The following ZNF548 variants were observed in gnomAD, a reference collection of about 807,000 sequenced individuals.
ZNF548 encodes the protein zinc finger protein 548.
A neutral mutation model predicts 10.2 loss-of-function variants in ZNF548; 10 were observed. That is an observed-to-expected ratio of 0.98 (90% CI 0.60 to 1.66). The LOEUF is 1.66. Ranked by LOEUF, ZNF548 falls within the 40% of genes most tolerant of loss-of-function variation. The probability of loss-of-function intolerance (pLI) is 0.00; values close to 1 mark genes in which losing one functional copy is unlikely to be tolerated. For missense variants in ZNF548, 599 were observed against 657.0 expected, an observed-to-expected ratio of 0.91 and a Z score of 0.97; for synonymous variants, 217 against 223.5, an observed-to-expected ratio of 0.97 and a Z score of 0.26.
At chr19:57,391,265 A>G (rs1285219237) in intron 1 of ZNF548, among the ~76,000 whole-genome samples, 1 of 147,676 alleles carries the variant, frequency 6.8e-6, no homozygotes, top group East Asian at 2.0e-4. Context: ...CTCCAGTTCC[A>G]TCCACATTGC....
rs538519764 is a variant in ZNF548, at chr19:57,390,284, G to A, written c.15+170G>A. ...CTCAGAGCTCCCGTTAGGGACCTCA[G>A]GTTCAGAGCATGGAGGCGCTGCCGA... is the stretch of plus-strand genomic sequence containing the variant. On this transcript the variant is annotated intron_variant, in intron 1 of 3. Transcript: ENST00000336128. 408 of 655,176 alleles carry A rather than the reference G, an allele frequency of 6.2e-4. 1 individual carries two copies. In the African/African-American group the frequency reaches 6.7e-3, roughly 11 times the overall value. The allele number at this position is 655,176 out of a possible 1,614,324, so 40.6% of individuals were successfully genotyped here. A position where few individuals can be genotyped will look rare whatever the true frequency, so the allele number is the denominator to read the frequency against.
rs373473788 is a variant in ZNF548 at position 57,397,284 on chromosome 19, C to T, written c.178+110C>T. On this transcript the variant is annotated intron_variant, in intron 3 of 3. Coordinates refer to ENST00000336128, the MANE Select transcript of ZNF548 (RefSeq NM_001172773.2). ...GAGACCGTGGGTGCTGCTTCTTTTC[C>T]CTGTTTCTTGGCATATATGCTGTGG... 14 of 1,418,066 alleles carry T rather than the reference C, an allele frequency of 9.9e-6. No homozygotes were observed. In the African/African-American group the frequency reaches 1.9e-4, roughly 19 times the overall value. The allele number at this position is 1,418,066 out of a possible 1,614,324, so 87.8% of individuals were successfully genotyped here. A position where few individuals can be genotyped will look rare whatever the true frequency, so the allele number is the denominator to read the frequency against.
chr19:57,391,310 T>TG (rs1358210214), intron 1 of ZNF548, among the ~76,000 whole-genome samples: 1 of 152,054 alleles, frequency 6.6e-6, no homozygotes, highest in Non-Finnish European at 1.5e-5. Flanking sequence ...TTTTTTTTTT[T>TG]TGTGGCCTAG....
At chr19:57,393,290 T>A (rs1438074667) in intron 1 of ZNF548, among the ~76,000 whole-genome samples, 1 of 152,140 alleles carries the variant, frequency 6.6e-6, no homozygotes, top group East Asian at 1.9e-4. Context: ...ACTTATTGAT[T>A]TAAACCCCAA....
rs1423207091 is a variant in ZNF548 at position 57,399,649 on chromosome 19, T to C, written c.1398T>C (p.Cys466=). The C allele has an allele frequency of 1.2e-6, 2 of 1,614,028 alleles. No homozygotes were observed. ...TGERPYECRE[C]GKAFSHKHIL... ...AAAGGCCTTACGAGTGCAGAGAGTGTGGGAAAGCCTTTAGCCACAAGCATA... is the reference window on the plus strand; with the variant it reads ...AAAGGCCTTACGAGTGCAGAGAGTGCGGGAAAGCCTTTAGCCACAAGCATA... The change falls in exon 4 of 4, where the codon TGT becomes TGC. Residue 466 remains cysteine (C), a synonymous_variant. Coordinates refer to ENST00000336128, the MANE Select transcript of ZNF548 (RefSeq NM_001172773.2). This position sits in a 1 kb window ranked among gnomAD's most constrained non-coding sequence, Gnocchi z 4.0.
In ZNF548 at chr19:57,399,641, A is replaced by G. The variant is rs1187075303; in HGVS notation, c.1390A>G (p.Arg464Gly). ...CACTGGAGAAAGGCCTTACGAGTGC[A>G]GAGAGTGTGGGAAAGCCTTTAGCCA... ...NHTGERPYEC[R>G]ECGKAFSHKH... Residue 464 changes from arginine (R) to glycine (G), a missense_variant, in exon 4 of 4, where the codon AGA becomes GGA. Transcript: ENST00000336128. This position sits in a 1 kb window ranked among gnomAD's most constrained non-coding sequence, Gnocchi z 4.0. 6.2e-7 allele frequency: 1 copy of G among 1,614,166 alleles called. No homozygotes were observed. The highest frequency in any genetic ancestry group is 1.1e-5 in the South Asian group (1 of 91,080).
In ZNF548 at chr19:57,394,164, C is replaced by G. The variant is rs768779545; in HGVS notation, c.16-24C>G. The G allele has an allele frequency of 6.3e-6, 10 of 1,599,356 alleles. No homozygotes were observed. The Admixed American group carries it at 1.5e-4, about 24-fold the overall frequency. On this transcript the variant is annotated intron_variant, in intron 1 of 3. Coordinates refer to ENST00000336128, the MANE Select transcript of ZNF548 (RefSeq NM_001172773.2). ...AGGATCCTTCCATGGCTGTCAATTT[C>G]TCACGGCCTTTCTCTTCCCTCAGGG...
In ZNF548 at chr19:57,395,975, G is replaced by A. The variant is rs1353761065; in HGVS notation, c.52-1073G>A. The stretch of plus-strand genomic sequence containing the variant: ...GGGCTTAGGGCTGCCCCCGGTGCTA[G>A]GGGACTTTGGTGTTCTGGGGCAGGA... On this transcript the variant is annotated intron_variant, in intron 2 of 3. Coordinates refer to ENST00000336128, the MANE Select transcript of ZNF548 (RefSeq NM_001172773.2). This position sits in a 1 kb window ranked among gnomAD's most constrained non-coding sequence, Gnocchi z 4.8. Among the ~76,000 whole-genome samples the A allele has an allele frequency of 2.0e-5, 3 of 152,158 alleles. No individual in the cohort carries two copies. Among genetic ancestry groups the A allele is most frequent in the Non-Finnish European group, 4.4e-5 (3 of 68,018 alleles).
Position 57,400,940 on chromosome 19 carries a change from C to G in ZNF548, c.*1051C>G, listed in dbSNP as rs1351063555. On this transcript the variant is annotated 3_prime_UTR_variant, in exon 4 of 4. Coordinates refer to ENST00000336128, the MANE Select transcript of ZNF548 (RefSeq NM_001172773.2). ...GGATGTGAGGTGGAATCTATAGTGT[C>G]TTTCATTTTTATTTTGTGAATGATT... 1.3e-5 allele frequency: 2 copies of G among 152,160 alleles called. No individual in the cohort carries two copies. Among genetic ancestry groups the G allele is most frequent in the Middle Eastern group, 3.4e-3 (1 of 294 alleles). The allele number at this position is 152,160 out of a possible 1,614,324, so 9.4% of individuals were successfully genotyped here.
chr19:57,391,608 A>C (rs537823318), intron 1 of ZNF548, among the ~76,000 whole-genome samples: 23 of 151,944 alleles, frequency 1.5e-4, no homozygotes, highest in Non-Finnish European at 2.4e-4. Context: ...TCTCTTCTCC[A>C]TATCCTGGGC....
At chr19:57,391,888 G>A (rs1396533361) in intron 1 of ZNF548, among the ~76,000 whole-genome samples, 1 of 136,212 alleles carries the variant, frequency 7.3e-6, no homozygotes, top group East Asian at 2.2e-4. Context: ...CCACCTCCCA[G>A]GTTAGTTCAA....
chr19:57,391,722 A>AT (rs1211684430), intron 1 of ZNF548, among the ~76,000 whole-genome samples: 4 of 147,392 alleles, frequency 2.7e-5, no homozygotes, highest in Non-Finnish European at 6.0e-5. Context: ...GATGTTGAGC[A>AT]TTTTTTTATA....
chr19:57,390,388 G>GCAAC (rs941398275), intron 1 of ZNF548: 15 of 390,958 alleles, frequency 3.8e-5, no homozygotes, highest in African/African-American at 3.0e-4. Flanking sequence ...GCTTGGAATG[G>GCAAC]CAACCTGAGC....
rs1487933284 is a variant in ZNF548 at position 57,399,553 on chromosome 19, G to A, written c.1302G>A (p.Glu434=). The stretch of plus-strand genomic sequence containing the variant: ...TCCACACGGGAGAAAGGCCTTATGA[G>A]TGCAGCGAATGCGGGAAATTCTTTC... The part of the protein sequence containing the change: ...QRVHTGERPY[E]CSECGKFFRY... Residue 434 remains glutamate (E), a synonymous_variant, in exon 4 of 4, where the codon GAG becomes GAA. Coordinates refer to ENST00000336128, the MANE Select transcript of ZNF548 (RefSeq NM_001172773.2). The surrounding 1 kb of genome is among the most constrained non-coding windows in gnomAD (Gnocchi z 4.0). 1 of 1,614,224 alleles carries A rather than the reference G, an allele frequency of 6.2e-7. No homozygotes were observed.
intron 1 of ZNF548, among the ~76,000 whole-genome samples, chr19:57,392,616 G>A (rs1458935159): frequency 3.3e-5 from 5 of 152,140 alleles, no homozygotes; most frequent in African/African-American, 1.2e-4. Flanking sequence ...TTTATTTCTA[G>A]GAACTTTGTT....
intron 3 of ZNF548, among the ~76,000 whole-genome samples, 177 bp from the exon 4 acceptor site, chr19:57,398,253 A>T (rs1404755979): frequency 6.6e-6 from 1 of 152,142 alleles, no homozygotes; most frequent in East Asian, 1.9e-4. Context: ...CTCTCCCATT[A>T]TGGGGCCTTG....
Position 57,395,311 on chromosome 19 carries a change from G to A in ZNF548, c.51+1088G>A, listed in dbSNP as rs1205371313. Among the ~76,000 whole-genome samples the A allele has an allele frequency of 1.3e-5, 2 of 152,156 alleles. No individual in the cohort carries two copies. Among genetic ancestry groups the A allele is most frequent in the Non-Finnish European group, 1.5e-5 (1 of 68,030 alleles). On this transcript the variant is annotated intron_variant, in intron 2 of 3. Coordinates refer to ENST00000336128, the MANE Select transcript of ZNF548 (RefSeq NM_001172773.2). This position sits in a 1 kb window ranked among gnomAD's most constrained non-coding sequence, Gnocchi z 4.8. ...GAGTGGACATGATGGGGTTGCTGAG[G>A]GGGGATAATAGGGTGAGGTCGGAGA...
intron 2 of ZNF548, 139 bp from the exon 3 acceptor site, chr19:57,396,909 T>C (rs1384257691): frequency 3.0e-5 from 38 of 1,257,876 alleles, no homozygotes; most frequent in Non-Finnish European, 4.1e-5. Context: ...CCCAGGGTGG[T>C]AGGGGAGATG....
intron 1 of ZNF548, chr19:57,390,961 G>A (rs2123035928): frequency 6.6e-6 from 1 of 152,298 alleles, no homozygotes; most frequent in East Asian, 1.9e-4. Flanking sequence ...GGTTTTTTTT[G>A]TTTGTTTGTT....
Sources: allele counts gnomAD v4.1 joint callset (sites outside exome capture counted in the v4.1 genomes callset), GRCh38; gene constraint gnomAD v4.1.1; non-coding constraint Gnocchi (gnomAD v3.1); transcripts MANE v1.5; gene names NCBI Gene and HGNC (gene_info 2026-07-23, HGNC 2026-07-21).